The following CDK5 variants were observed in gnomAD, a reference collection of about 807,000 sequenced individuals.
CDK5 encodes cyclin-dependent kinase 5.
A neutral mutation model predicts 44.6 loss-of-function variants in CDK5; 18 were observed. The observed-to-expected ratio is 0.40, with a 90% CI of 0.28 to 0.60. The LOEUF (loss-of-function observed/expected upper bound fraction) is 0.60, where lower values mean the gene tolerates loss of function less well. CDK5 is among the 20% of genes least tolerant of loss of function. The probability of loss-of-function intolerance (pLI) is 0.38; values close to 1 mark genes in which losing one functional copy is unlikely to be tolerated. For synonymous variants in CDK5, 143 were observed against 152.8 expected (o/e 0.94, Z 0.47); for missense variants, 198 against 368.1 (o/e 0.54, Z 3.78).
Position 151,053,886 on chromosome 7 carries a change from C to A in CDK5, c.*123G>T. 3 of 790,498 alleles carry A rather than the reference C, an allele frequency of 3.8e-6. No individual in the cohort carries two copies. Among genetic ancestry groups the A allele is most frequent in the South Asian group, 3.5e-5 (2 of 57,112 alleles). The allele number at this position is 790,498 out of a possible 1,614,324, so 49.0% of individuals were successfully genotyped here. On this transcript the variant is annotated 3_prime_UTR_variant, in exon 12 of 12. Transcript: ENST00000485972. ...GAGTGAGAAATTCGGGCTCAGGCAC[C>A]CCACCCCGGCTGGGCCCAGCACTGC...
Position 151,056,440 on chromosome 7 carries a change from G to T in CDK5, c.312+140C>A. 1.4e-6 allele frequency: 1 copy of T among 724,920 alleles called. No individual in the cohort carries two copies. Among genetic ancestry groups the T allele is most frequent in the Non-Finnish European group, 2.4e-6 (1 of 417,402 alleles). The allele number at this position is 724,920 out of a possible 1,614,324, so 44.9% of individuals were successfully genotyped here. ...CTCACTAAGACTGGAGACCCCTGGA[G>T]GACAGAAACAGGGTTTTCTCATTCT... On this transcript the variant is annotated intron_variant, in intron 5 of 11. Coordinates refer to ENST00000485972, the MANE Select transcript of CDK5 (RefSeq NM_004935.4). This position sits in a 1 kb window ranked among gnomAD's most constrained non-coding sequence, Gnocchi z 4.7.
chr7:151,055,065 G>T lies in CDK5; in HGVS notation c.612C>A (p.Pro204=), dbSNP rs376139702. ...TCAACTGGTCATCGACATCATTGCC[G>T]GGAAAAAGAGGCCGCCCAGCATTGG... ...ELANAGRPLF[P]GNDVDDQLKR... Residue 204 remains proline (P), a synonymous_variant, in exon 9 of 12, where the codon CCC becomes CCA. Coordinates refer to ENST00000485972, the MANE Select transcript of CDK5 (RefSeq NM_004935.4). 3.1e-6 allele frequency: 5 copies of T among 1,613,598 alleles called. No homozygotes were observed. The East Asian group carries it at 6.7e-5, about 22-fold the overall frequency.
chr7:151,054,988 C>T lies in CDK5; in HGVS notation c.650+39G>A, dbSNP rs779595379. 1.2e-6 allele frequency: 2 copies of T among 1,604,756 alleles called. No homozygotes were observed. Among genetic ancestry groups the T allele is most frequent in the Admixed American group, 1.7e-5 (1 of 59,926 alleles). ...TGTGCTCAAAACTCCATGGACTCTC[C>T]CCTCCCAGAGGGCTCAAGGCAGAGG... On this transcript the variant is annotated intron_variant, in intron 9 of 11. Transcript: ENST00000485972. This position sits in a 1 kb window ranked among gnomAD's most constrained non-coding sequence, Gnocchi z 5.7.
Position 151,056,955 on chromosome 7 carries a change from G to C in CDK5, c.147C>G (p.Leu49=). 1 of 1,613,826 alleles carries C rather than the reference G, an allele frequency of 6.2e-7. No homozygotes were observed. The highest frequency in any genetic ancestry group is 8.5e-7 in the Non-Finnish European group (1 of 1,179,836). ...DDDEGVPSSA[L]REICLLKELK... ...GCTCCTTGAGTAGGCAGATCTCCCG[G>C]AGGGCGGAACTCGGCACACCCTGCA... Residue 49 remains leucine, a synonymous_variant, in exon 3 of 12, where the codon CTC becomes CTG. Transcript: ENST00000485972. This position sits in a 1 kb window ranked among gnomAD's most constrained non-coding sequence, Gnocchi z 4.7.
At position 151,054,004 on chromosome 7, in the gene CDK5, G is replaced by A. The variant is rs2069460; in HGVS notation, c.*5C>T. On this transcript the variant is annotated 3_prime_UTR_variant, in exon 12 of 12. Coordinates refer to ENST00000485972, the MANE Select transcript of CDK5 (RefSeq NM_004935.4). The surrounding 1 kb of genome is among the most constrained non-coding windows in gnomAD (Gnocchi z 5.7). ...CCCCAGCCTGGAGGCCGGGGGTCCC[G>A]GGGCCTAGGGCGGACAGAAGTCGGA... 1,314 of 1,582,692 alleles carry A rather than the reference G, an allele frequency of 8.3e-4. 23 individuals carry two copies. In the East Asian group the frequency reaches 0.022, roughly 27 times the overall value.
Position 151,056,727 on chromosome 7 carries a change from G to A in CDK5, c.255+9C>T, listed in dbSNP as rs1022629799. 22 of 1,612,588 alleles carry A rather than the reference G, an allele frequency of 1.4e-5. No individual in the cohort carries two copies. Among genetic ancestry groups the A allele is most frequent in the Non-Finnish European group, 1.6e-5 (19 of 1,179,376 alleles). On this transcript the variant is annotated intron_variant, in intron 4 of 11. Transcript: ENST00000485972. The surrounding 1 kb of genome is among the most constrained non-coding windows in gnomAD (Gnocchi z 4.7). The stretch of plus-strand genomic sequence containing the variant: ...CCAAGGCTACTGTCCTCCAAACCCC[G>A]CCTTTCACCTGGTCACAGAATTCAA...
At position 151,054,229 on chromosome 7, in the gene CDK5, C is replaced by G; in HGVS notation, c.775G>C (p.Gly259Arg). The G allele has an allele frequency of 6.2e-7, 1 of 1,613,168 alleles. No homozygotes were observed. Among genetic ancestry groups the G allele is most frequent in the Non-Finnish European group, 8.5e-7 (1 of 1,179,564 alleles). ...VNVVPKLNAT[G>R]RDLLQNLLKC... Reference sequence around the variant, plus strand: ...TCACCTACCTGCAGCAGATCCCTCCCTGTGGCATTGAGTTTGGGCACGACG... The same window carrying G: ...TCACCTACCTGCAGCAGATCCCTCCGTGTGGCATTGAGTTTGGGCACGACG... Residue 259 changes from glycine (G) to arginine (R), a missense_variant, in exon 11 of 12, where the codon GGG becomes CGG. Gly to Arg is a moderately radical substitution (Grantham distance 125). Around this residue, in one of 4 missense-constraint regions of CDK5, gnomAD observed 81 missense variants for 102.1 expected, o/e 0.79. Transcript: ENST00000485972. The surrounding 1 kb of genome is among the most constrained non-coding windows in gnomAD (Gnocchi z 5.7).
chr7:151,055,440 G>T (rs927845799), intron 7 of CDK5, 67 bp from the exon 8 acceptor site: 2 of 1,553,494 alleles, frequency 1.3e-6, no homozygotes, highest in East Asian at 2.2e-5. Context: ...TGAGGAGGAG[G>T]CTCAGAGAGG....
rs1233290263 is a variant in CDK5 at position 151,054,854 on chromosome 7, T to C, written c.650+173A>G. 6.6e-6 allele frequency among the ~76,000 whole-genome samples: 1 copy of C among 152,160 alleles called. No individual in the cohort carries two copies. The highest frequency in any genetic ancestry group is 1.5e-5 in the Non-Finnish European group (1 of 68,028). On this transcript the variant is annotated intron_variant, in intron 9 of 11. Coordinates refer to ENST00000485972, the MANE Select transcript of CDK5 (RefSeq NM_004935.4). The surrounding 1 kb of genome is among the most constrained non-coding windows in gnomAD (Gnocchi z 5.7). ...AGCCACACCTTCTCCAGTGTGCATT[T>C]GCACTGTGACAATCAGGGTGTCCAG... is the stretch of plus-strand genomic sequence containing the variant.
chr7:151,054,157 C>G lies in CDK5; in HGVS notation c.792+55G>C. On this transcript the variant is annotated intron_variant, in intron 11 of 11. Transcript: ENST00000485972. This position sits in a 1 kb window ranked among gnomAD's most constrained non-coding sequence, Gnocchi z 5.7. ...AGGTCACTGCCCAGAGCCCTGCCTT[C>G]CTGTAGTCCCACTGGGCAAGTGTCC... 1 of 1,591,152 alleles carries G rather than the reference C, an allele frequency of 6.3e-7. No homozygotes were observed. Among genetic ancestry groups the G allele is most frequent in the Middle Eastern group, 1.7e-4 (1 of 6,032 alleles).
Position 151,053,861 on chromosome 7 carries a change from G to T in CDK5, c.*148C>A. 1 of 635,466 alleles carries T rather than the reference G, an allele frequency of 1.6e-6. No homozygotes were observed. The highest frequency in any genetic ancestry group is 1.9e-5 in the South Asian group (1 of 52,068). 39.4% of individuals were successfully genotyped at this position (635,466 alleles called of 1,614,324 possible). ...TGAAATTAAATAAAGTCCACAAAGG[G>T]AGTGAGAAATTCGGGCTCAGGCACC... On this transcript the variant is annotated 3_prime_UTR_variant, in exon 12 of 12. Transcript: ENST00000485972.
At chr7:151,055,954 C>T (rs1335483899) in intron 5 of CDK5, 106 bp from the exon 6 acceptor site, 5 of 714,738 alleles carry the variant, frequency 7.0e-6, no homozygotes, top group African/African-American at 7.0e-5. Context: ...ACCCCACCCA[C>T]CTTTCAGCAC....
chr7:151,056,484 C>T lies in CDK5; in HGVS notation c.312+96G>A. 9.3e-7 allele frequency: 1 copy of T among 1,070,580 alleles called. No homozygotes were observed. Among genetic ancestry groups the T allele is most frequent in the Non-Finnish European group, 1.4e-6 (1 of 705,420 alleles). The allele number at this position is 1,070,580 out of a possible 1,614,324, so 66.3% of individuals were successfully genotyped here. Reference sequence around the variant, plus strand: ...TCATTCTCTAACACCCTAGAGTGTCCCTGTTCAGGGCCCAAACTTAGAGCC... The same window carrying T: ...TCATTCTCTAACACCCTAGAGTGTCTCTGTTCAGGGCCCAAACTTAGAGCC... On this transcript the variant is annotated intron_variant, in intron 5 of 11. Transcript: ENST00000485972. This position sits in a 1 kb window ranked among gnomAD's most constrained non-coding sequence, Gnocchi z 4.7.
In CDK5 at chr7:151,054,191, C is replaced by T. The variant is rs1390353939; in HGVS notation, c.792+21G>A. On this transcript the variant is annotated intron_variant, in intron 11 of 11. Coordinates refer to ENST00000485972, the MANE Select transcript of CDK5 (RefSeq NM_004935.4). This position sits in a 1 kb window ranked among gnomAD's most constrained non-coding sequence, Gnocchi z 5.7. ...CCACTGGGCAAGTGTCCTGACCCAC[C>T]CTCTACCCCTGGTCACCTACCTGCA... 1 of 1,606,964 alleles carries T rather than the reference C, an allele frequency of 6.2e-7. No individual in the cohort carries two copies. Among genetic ancestry groups the T allele is most frequent in the Non-Finnish European group, 8.5e-7 (1 of 1,176,648 alleles).
At position 151,054,025 on chromosome 7, in the gene CDK5, T is replaced by A; in HGVS notation, c.863A>T (p.Asp288Val). ...EEALQHPYFS[D>V]FCPP The stretch of plus-strand genomic sequence containing the variant: ...TCCCGGGGCCTAGGGCGGACAGAAG[T>A]CGGAGAAGTAGGGGTGCTGCAGGGC... Residue 288 changes from aspartate (D) to valine (V), a missense_variant, in exon 12 of 12, where the codon GAC becomes GTC. Transcript: ENST00000485972. The surrounding 1 kb of genome is among the most constrained non-coding windows in gnomAD (Gnocchi z 5.7). 1 of 1,595,702 alleles carries A rather than the reference T, an allele frequency of 6.3e-7. No homozygotes were observed. Among genetic ancestry groups the A allele is most frequent in the Non-Finnish European group, 8.5e-7 (1 of 1,171,624 alleles).
chr7:151,057,363 C>A lies in CDK5; in HGVS notation c.38-203G>T, dbSNP rs1346419207. On this transcript the variant is annotated intron_variant, in intron 1 of 11. Transcript: ENST00000485972. The surrounding 1 kb of genome is among the most constrained non-coding windows in gnomAD (Gnocchi z 5.2). ...GCCCACCGAGGCTCCAGGGGCTCGG[C>A]AGGAGGGGCGAGTGCGGTTGCCAGG... 3.2e-6 allele frequency: 2 copies of A among 616,968 alleles called. No homozygotes were observed. The highest frequency in any genetic ancestry group is 5.5e-5 in the East Asian group (2 of 36,580). The allele number at this position is 616,968 out of a possible 1,614,324, so 38.2% of individuals were successfully genotyped here.
rs766831959 is a variant in CDK5, at chr7:151,054,016, G to A, written c.872C>T (p.Pro291Leu). The A allele has an allele frequency of 9.4e-6, 15 of 1,591,570 alleles. No homozygotes were observed. Among genetic ancestry groups the A allele is most frequent in the South Asian group, 1.1e-5 (1 of 87,630 alleles). ...GGCCGGGGGTCCCGGGGCCTAGGGC[G>A]GACAGAAGTCGGAGAAGTAGGGGTG... ...LQHPYFSDFC[P>L]P The change falls in exon 12 of 12, where the codon CCG (proline) becomes CTG (leucine). Residue 291 changes from proline to leucine, a missense_variant. Physicochemically the swap from Pro to Leu is moderately conservative, Grantham distance 98 (BLOSUM62 -3). Transcript: ENST00000485972. This position sits in a 1 kb window ranked among gnomAD's most constrained non-coding sequence, Gnocchi z 5.7.
rs1237409638 is a variant in CDK5, at chr7:151,057,887, A to G, written c.-39T>C. ...GGGACCCCTGCGGGCCCTCGGTTTT[A>G]AGACTCTGGCCCCGGCGTTGCAGAG... is the stretch of plus-strand genomic sequence containing the variant. On this transcript the variant is annotated 5_prime_UTR_variant, in exon 1 of 12. Transcript: ENST00000485972. This position sits in a 1 kb window ranked among gnomAD's most constrained non-coding sequence, Gnocchi z 5.2. 1 of 1,586,504 alleles carries G rather than the reference A, an allele frequency of 6.3e-7. No individual in the cohort carries two copies. Among genetic ancestry groups the G allele is most frequent in the Admixed American group, 1.7e-5 (1 of 57,348 alleles).
rs2069453 is a variant in CDK5 at position 151,056,174 on chromosome 7, G to A, written c.313-326C>T. The stretch of plus-strand genomic sequence containing the variant: ...CTGGCCGCATCTGAGTATGCACGCC[G>A]TGAACATCAACATAAATATCGTGCT... On this transcript the variant is annotated intron_variant, in intron 5 of 11. Coordinates refer to ENST00000485972, the MANE Select transcript of CDK5 (RefSeq NM_004935.4). This position sits in a 1 kb window ranked among gnomAD's most constrained non-coding sequence, Gnocchi z 4.7. 593 of 506,930 alleles carry A rather than the reference G, an allele frequency of 1.2e-3. 3 individuals are homozygous for A. Among genetic ancestry groups the A allele is most frequent in the African/African-American group, 1.0e-2 (524 of 52,560 alleles). 31.4% of individuals were successfully genotyped at this position (506,930 alleles called of 1,614,324 possible). A position where few individuals can be genotyped will look rare whatever the true frequency, so the allele number is the denominator to read the frequency against.
Sources: allele counts gnomAD v4.1 joint callset (sites outside exome capture counted in the v4.1 genomes callset), GRCh38; gene constraint gnomAD v4.1.1; regional missense constraint gnomAD v4.1.1; non-coding constraint Gnocchi (gnomAD v3.1); transcripts MANE v1.5; gene names NCBI Gene and HGNC (gene_info 2026-07-23, HGNC 2026-07-21).